SLC37A2: variants seen among roughly 807,000 people sequenced by gnomAD.
SLC37A2 encodes solute carrier family 37 member 2.
A neutral mutation model predicts 70.7 loss-of-function variants in SLC37A2; 59 were observed. The observed-to-expected ratio is 0.83, with a 90% CI of 0.68 to 1.04. SLC37A2 has a LOEUF of 1.04. Among genes scored for constraint, SLC37A2 ranks in the 50% least tolerant of loss-of-function variants. SLC37A2 has a pLI of 0.00. For missense variants in SLC37A2, 580 were observed against 658.1 expected, an observed-to-expected ratio of 0.88 and a Z score of 1.30; for synonymous variants, 257 against 262.1, an observed-to-expected ratio of 0.98 and a Z score of 0.19.
At position 125,088,183 on chromosome 11, in the gene SLC37A2, G is replaced by A. The variant is rs143758481; in HGVS notation, c.*49G>A. 8.6e-4 allele frequency: 1,335 copies of A among 1,547,842 alleles called. 6 individuals are homozygous for A. The African/African-American group carries it at 0.016, about 19-fold the overall frequency. On this transcript the variant is annotated 3_prime_UTR_variant, in exon 18 of 18. Coordinates refer to ENST00000403796, the MANE Select transcript of SLC37A2 (RefSeq NM_001145290.2). ...GGAGGGTCCCAGTTGGGTCCCCAACGTGCTCCCCATGGGCAAGACAATGGA... is the reference window on the plus strand; with the variant it reads ...GGAGGGTCCCAGTTGGGTCCCCAACATGCTCCCCATGGGCAAGACAATGGA...
chr11:125,084,764 C>T lies in SLC37A2; in HGVS notation c.1126-61C>T. ...GGCAGGAGATGGTTGTTGCAGACCT[C>T]AGGGCTCCAGGCCAGCAAAGGGATT... On this transcript the variant is annotated intron_variant, in intron 12 of 17. Transcript: ENST00000403796. The T allele has an allele frequency of 8.9e-6, 14 of 1,570,216 alleles. No individual in the cohort carries two copies. In the South Asian group the frequency reaches 1.5e-4, roughly 17 times the overall value.
rs1254349602 is a variant in SLC37A2 at position 125,083,936 on chromosome 11, A to G, written c.1039+59A>G. On this transcript the variant is annotated intron_variant, in intron 11 of 17. Transcript: ENST00000403796. This position sits in a 1 kb window ranked among gnomAD's most constrained non-coding sequence, Gnocchi z 4.6. The stretch of plus-strand genomic sequence containing the variant: ...CTTCCCCTCTTTTCTTGTGGGGTGC[A>G]GGAAGAAGGGACAGGTCCGATGGGC... The G allele has an allele frequency of 5.2e-6, 8 of 1,540,914 alleles. No individual in the cohort carries two copies. The highest frequency in any genetic ancestry group is 1.7e-5 in the Admixed American group (1 of 59,708).
chr11:125,085,276 C>T, intron 14 of SLC37A2, 119 bp from the exon 15 acceptor site: 1 of 1,253,002 alleles, frequency 8.0e-7, no homozygotes, highest in Non-Finnish European at 1.1e-6. Context: ...CACCATGGGC[C>T]CCTCTCCTCT....
rs1245130110 is a variant in SLC37A2 at position 125,085,669 on chromosome 11, T to C, written c.1420T>C (p.Cys474Arg). The C allele has an allele frequency of 6.2e-7, 1 of 1,612,634 alleles. No homozygotes were observed. Among genetic ancestry groups the C allele is most frequent in the Non-Finnish European group, 8.5e-7 (1 of 1,179,988 alleles). Residue 474 changes from cysteine (C) to arginine (R), a missense_variant, in exon 16 of 18, where the codon TGC (cysteine) becomes CGC (arginine). Transcript: ENST00000403796. ...GCTCATCTCTGCCGACGTCCTAGCC[T>C]GCTTGGTAAGAGTCTTGGGGTACAC... The part of the protein sequence containing the change: ...YMLISADVLA[C>R]LLLCRLVYKE...
chr11:125,080,890 C>T lies in SLC37A2; in HGVS notation c.694+110C>T. 2.1e-6 allele frequency: 2 copies of T among 947,684 alleles called. No individual in the cohort carries two copies. The highest frequency in any genetic ancestry group is 2.8e-6 in the Non-Finnish European group (2 of 702,338). The allele number at this position is 947,684 out of a possible 1,614,324, so 58.7% of individuals were successfully genotyped here. On this transcript the variant is annotated intron_variant, in intron 7 of 17. Transcript: ENST00000403796. This position sits in a 1 kb window ranked among gnomAD's most constrained non-coding sequence, Gnocchi z 4.3. The stretch of plus-strand genomic sequence containing the variant: ...CTGGTCACAGAGTGGGAGGACCAGC[C>T]GTGTGACTTTGGACAATCTTTCAGA...
At chr11:125,065,379 A>G (rs1253447780) in intron 1 of SLC37A2, among the ~76,000 whole-genome samples, 3 of 152,238 alleles carry the variant, frequency 2.0e-5, no homozygotes, top group Admixed American at 2.0e-4. Context: ...GGAAGTTTTC[A>G]TAAGGAATCC....
At chr11:125,064,306 G>T (rs1157008194) in intron 1 of SLC37A2, among the ~76,000 whole-genome samples, 1 of 152,004 alleles carries the variant, frequency 6.6e-6, no homozygotes, top group Admixed American at 6.6e-5. Flanking sequence ...GACCAGCCTG[G>T]CCAACATCGT....
intron 1 of SLC37A2, among the ~76,000 whole-genome samples, chr11:125,064,474 A>G (rs1948963521): frequency 6.6e-6 from 1 of 152,242 alleles, no homozygotes. Context: ...AGGTGCTATT[A>G]AAGTGGCCAA....
chr11:125,082,889 C>T (rs1468648623), intron 10 of SLC37A2, among the ~76,000 whole-genome samples: 2 of 152,158 alleles, frequency 1.3e-5, no homozygotes, highest in African/African-American at 4.8e-5. Flanking sequence ...TCTGCTCCTG[C>T]CCAGGGATGT....
chr11:125,076,342 G>A (rs895669632), intron 1 of SLC37A2, among the ~76,000 whole-genome samples: 4 of 152,016 alleles, frequency 2.6e-5, no homozygotes, highest in Admixed American at 6.6e-5. Flanking sequence ...CCCTTCTCCC[G>A]ACTGTCTCCC....
intron 10 of SLC37A2, among the ~76,000 whole-genome samples, chr11:125,082,763 GCCTGGTGGTGAC>G (rs1304015088): frequency 6.6e-6 from 1 of 152,124 alleles, no homozygotes; most frequent in Non-Finnish European, 1.5e-5. Context: ...ACTCCTTGTA[GCCTGGTGGTGAC>G]CCTGGTGGTC....
chr11:125,086,113 G>A (rs1949212483), intron 17 of SLC37A2, 95 bp downstream of exon 17: 16 of 1,527,824 alleles, frequency 1.0e-5, no homozygotes, highest in South Asian at 1.0e-4. Flanking sequence ...GCTGAGGCTC[G>A]ACCAGCCCAG....
intron 13 of SLC37A2, 72 bp downstream of exon 13, chr11:125,084,945 C>T: frequency 3.1e-6 from 5 of 1,599,504 alleles, no homozygotes; most frequent in Non-Finnish European, 4.3e-6. Context: ...GAGGCTGGCC[C>T]ACGGGGGGCA....
intron 12 of SLC37A2, 77 bp from the exon 13 acceptor site, chr11:125,084,748 T>C (rs913973409): frequency 8.8e-6 from 13 of 1,468,950 alleles, no homozygotes; most frequent in Non-Finnish European, 1.1e-5. Context: ...GGGCAGGAGA[T>C]GGTTGTTGCA....
chr11:125,080,717 T>C lies in SLC37A2; in HGVS notation c.631T>C (p.Phe211Leu). The C allele has an allele frequency of 6.4e-7, 1 of 1,572,614 alleles. No individual in the cohort carries two copies. The highest frequency in any genetic ancestry group is 8.6e-7 in the Non-Finnish European group (1 of 1,158,468). ...IWVNGQWGLS[F>L]IVPGIITAVM... ...GGTGAACGGGCAGTGGGGCCTGTCGTTCATCGTGCCTGGCATCATTACTGC... is the reference window on the plus strand; with the variant it reads ...GGTGAACGGGCAGTGGGGCCTGTCGCTCATCGTGCCTGGCATCATTACTGC... Residue 211 changes from phenylalanine to leucine, a missense_variant, in exon 7 of 18, where the codon TTC becomes CTC. Phe to Leu is a conservative substitution (Grantham distance 22). Coordinates refer to ENST00000403796, the MANE Select transcript of SLC37A2 (RefSeq NM_001145290.2). This position sits in a 1 kb window ranked among gnomAD's most constrained non-coding sequence, Gnocchi z 4.3.
intron 1 of SLC37A2, among the ~76,000 whole-genome samples, chr11:125,074,784 A>T (rs1426258210): frequency 2.0e-5 from 3 of 152,204 alleles, no homozygotes; most frequent in Non-Finnish European, 4.4e-5. Context: ...CCGAGCCTGC[A>T]ATGAAAGAAC....
chr11:125,079,872 C>T (rs1161756516), intron 6 of SLC37A2, 112 bp downstream of exon 6: 1 of 812,924 alleles, frequency 1.2e-6, no homozygotes, highest in African/African-American at 1.7e-5. Flanking sequence ...AAGCGGCCTC[C>T]ACGTTGCTGT....
chr11:125,085,119 ACTG>A lies in SLC37A2; in HGVS notation c.1232_1234del (p.Ala411del), dbSNP rs2057729515. The A allele has an allele frequency of 5.6e-6, 9 of 1,613,844 alleles. No individual in the cohort carries two copies. Among genetic ancestry groups the A allele is most frequent in the Non-Finnish European group, 7.6e-6 (9 of 1,179,944 alleles). ...CAATGGCCCATACGCGCTCATCACC[ACTG>A]CTGTCTCTGCTGATCTGGTGAGTGG... is the stretch of plus-strand genomic sequence containing the variant. On this transcript the variant is annotated inframe_deletion, in exon 14 of 18. Transcript: ENST00000403796.
rs151277071 is a variant in SLC37A2, at chr11:125,079,190, C to G, written c.393C>G (p.Leu131=). The change falls in exon 5 of 18, where the codon CTC becomes CTG. Residue 131 remains leucine (L), a synonymous_variant. Coordinates refer to ENST00000403796, the MANE Select transcript of SLC37A2 (RefSeq NM_001145290.2). The stretch of plus-strand genomic sequence containing the variant: ...TGCTCAGTGGCCTTTTCACCTCGCT[C>G]TTTGGCCTGGGATATTTCTGGAACA... ...GMLLSGLFTS[L]FGLGYFWNIH... The G allele has an allele frequency of 3.1e-6, 5 of 1,614,208 alleles. No individual in the cohort carries two copies. Among genetic ancestry groups the G allele is most frequent in the Middle Eastern group, 1.6e-4 (1 of 6,062 alleles).
Sources: allele counts gnomAD v4.1 joint callset (sites outside exome capture counted in the v4.1 genomes callset), GRCh38; gene constraint gnomAD v4.1.1; non-coding constraint Gnocchi (gnomAD v3.1); transcripts MANE v1.5; gene names NCBI Gene and HGNC (gene_info 2026-07-23, HGNC 2026-07-21).